The following KIAA0825 variants were observed in gnomAD, a reference collection of about 807,000 sequenced individuals.
The protein encoded by KIAA0825 is uncharacterized protein KIAA0825.
Under a neutral mutation model 147.6 loss-of-function variants are expected in KIAA0825, and 119 were observed. That is an observed-to-expected ratio of 0.81 (90% CI 0.69 to 0.94). The LOEUF (loss-of-function observed/expected upper bound fraction) is 0.94. Ranked by LOEUF, KIAA0825 falls within the 40% of genes least tolerant of loss-of-function variation. The probability of loss-of-function intolerance (pLI) is 0.00; values close to 1 mark genes in which losing one functional copy is unlikely to be tolerated. For missense variants in KIAA0825, 1,381 were observed against 1,472.7 expected (o/e 0.94, Z 1.02); for synonymous variants, 470 against 518.1 (o/e 0.91, Z 1.26).
intron 13 of KIAA0825, among the ~76,000 whole-genome samples, chr5:94,452,080 G>A (rs746664369): frequency 6.6e-6 from 1 of 152,148 alleles, no homozygotes; most frequent in Non-Finnish European, 1.5e-5. Context: ...TGTAGACAAA[G>A]TTTTCCATGT....
At chr5:94,547,238 C>A (rs780116980) in intron 2 of KIAA0825, among the ~76,000 whole-genome samples, 2 of 151,652 alleles carry the variant, frequency 1.3e-5, no homozygotes, top group East Asian at 1.9e-4. Context: ...CTGAAAAGGG[C>A]AAATCTAAGA....
At position 94,330,146 on chromosome 5, in the gene KIAA0825, AG is replaced by A. The variant is rs370591225; in HGVS notation, c.3710+54221del. Among the ~76,000 whole-genome samples the A allele has an allele frequency of 4.6e-4, 70 of 152,322 alleles. No homozygotes were observed. In the East Asian group the frequency reaches 0.01, roughly 22 times the overall value. On this transcript the variant is annotated intron_variant, in intron 20 of 20. Coordinates refer to ENST00000682413, the MANE Select transcript of KIAA0825 (RefSeq NM_001145678.3). ...CCTACCCAATAAAGCACAATGTGGT[AG>A]TACTAAAAGGTGAAATGGACATAGA...
At chr5:94,405,646 C>A (rs1032353637) in intron 15 of KIAA0825, among the ~76,000 whole-genome samples, 34 of 152,146 alleles carry the variant, frequency 2.2e-4, no homozygotes, top group African/African-American at 7.2e-4. Context: ...TTAATCTAGA[C>A]AAGCTCTGGT....
chr5:94,388,918 C>G (rs879649743), intron 18 of KIAA0825, among the ~76,000 whole-genome samples: 2 of 152,166 alleles, frequency 1.3e-5, no homozygotes, highest in Non-Finnish European at 2.9e-5. Context: ...CTCTGTCAGT[C>G]TGATGACCTC....
chr5:94,396,847 G>GT (rs1346072544), intron 16 of KIAA0825, among the ~76,000 whole-genome samples: 1 of 151,880 alleles, frequency 6.6e-6, no homozygotes, highest in Non-Finnish European at 1.5e-5. Flanking sequence ...GTAGGCTTTG[G>GT]TACTTCTGAC....
intron 20 of KIAA0825, among the ~76,000 whole-genome samples, chr5:94,171,933 G>GA (rs1248971684): frequency 1.3e-5 from 2 of 151,484 alleles, no homozygotes; most frequent in East Asian, 3.9e-4. Context: ...TATATGCAGA[G>GA]AAAAAAACAA....
At chr5:94,468,823 G>C (rs1760868588) in intron 10 of KIAA0825, among the ~76,000 whole-genome samples, 1 of 152,024 alleles carries the variant, frequency 6.6e-6, no homozygotes, top group African/African-American at 2.4e-5. Flanking sequence ...ATAGTGATTA[G>C]GACAATCAAG....
chr5:94,176,011 A>T (rs1236890814), intron 20 of KIAA0825, among the ~76,000 whole-genome samples: 1 of 152,132 alleles, frequency 6.6e-6, no homozygotes, highest in Non-Finnish European at 1.5e-5. Flanking sequence ...CAAATTTATT[A>T]AATTTTTTTA....
chr5:94,538,132 C>G (rs551423931), intron 2 of KIAA0825, among the ~76,000 whole-genome samples: 2 of 152,250 alleles, frequency 1.3e-5, no homozygotes, highest in African/African-American at 4.8e-5. Flanking sequence ...AGTTTTTATT[C>G]TAGTGGGGAA....
chr5:94,168,937 C>T (rs1768329112), intron 20 of KIAA0825, among the ~76,000 whole-genome samples: 1 of 152,188 alleles, frequency 6.6e-6, no homozygotes, highest in Non-Finnish European at 1.5e-5. Flanking sequence ...TAAACTGTGT[C>T]AAGCAATACT....
chr5:94,462,623 G>A, intron 11 of KIAA0825, 54 bp from the exon 12 acceptor site: 2 of 1,073,914 alleles, frequency 1.9e-6, no homozygotes, highest in Admixed American at 3.1e-5. Context: ...GTCTCTGCTT[G>A]GTAGGCACTT....
At chr5:94,294,598 C>T (rs1418071741) in intron 20 of KIAA0825, among the ~76,000 whole-genome samples, 5 of 152,122 alleles carry the variant, frequency 3.3e-5, no homozygotes, top group Non-Finnish European at 7.3e-5. Context: ...TGGTGGCGCA[C>T]ACCTGTAATC....
intron 20 of KIAA0825, among the ~76,000 whole-genome samples, chr5:94,333,762 C>A (rs1781511718): frequency 6.6e-6 from 1 of 152,054 alleles, no homozygotes; most frequent in Non-Finnish European, 1.5e-5. Context: ...TCTCAGGATA[C>A]AAAATCAATG....
chr5:94,505,958 A>C (rs951712417), intron 5 of KIAA0825, among the ~76,000 whole-genome samples: 4 of 152,236 alleles, frequency 2.6e-5, no homozygotes, highest in African/African-American at 9.6e-5. Context: ...TGGGTTTGAA[A>C]AATACGTTTA....
chr5:94,553,775 CA>C (rs556501134), intron 2 of KIAA0825, among the ~76,000 whole-genome samples: 134 of 114,198 alleles, frequency 1.2e-3, no homozygotes, highest in Admixed American at 4.8e-3. Flanking sequence ...AAAAAACAAC[CA>C]AAAAAAAAAA....
intron 20 of KIAA0825, among the ~76,000 whole-genome samples, chr5:94,366,147 G>A (rs908079441): frequency 6.6e-6 from 1 of 152,026 alleles, no homozygotes; most frequent in African/African-American, 2.4e-5. Context: ...CAAATTCTTG[G>A]GGAGACTGAT....
chr5:94,458,565 T>C (rs1759421764), intron 12 of KIAA0825, among the ~76,000 whole-genome samples: 1 of 152,112 alleles, frequency 6.6e-6, no homozygotes. Flanking sequence ...TCTTTTGGGG[T>C]ATTTTAACCT....
In KIAA0825 at chr5:94,498,398, T is replaced by A. The variant is rs138697712; in HGVS notation, c.971-13468A>T. Among the ~76,000 whole-genome samples the A allele has an allele frequency of 1.7e-4, 26 of 152,266 alleles. No homozygotes were observed. The East Asian group carries it at 4.2e-3, about 25-fold the overall frequency. On this transcript the variant is annotated intron_variant, in intron 5 of 20. Coordinates refer to ENST00000682413, the MANE Select transcript of KIAA0825 (RefSeq NM_001145678.3). ...AAACTGCCAGGAGCCATGTACCCAC[T>A]GAGTGGAGAAACTGGTCAGAGTGAA...
intron 3 of KIAA0825, among the ~76,000 whole-genome samples, chr5:94,536,723 T>C (rs966986234): frequency 1.3e-5 from 2 of 152,196 alleles, no homozygotes; most frequent in African/African-American, 2.4e-5. Flanking sequence ...GACATCAACA[T>C]TGACAAGCTC....
Sources: allele counts gnomAD v4.1 joint callset (sites outside exome capture counted in the v4.1 genomes callset), GRCh38; gene constraint gnomAD v4.1.1; transcripts MANE v1.5; gene names NCBI Gene and HGNC (gene_info 2026-07-23, HGNC 2026-07-21).